Variants in TESPA1 observed in about 807,000 individuals in gnomAD.
TESPA1 encodes thymocyte expressed, positive selection associated 1.
TESPA1 carries 33 observed loss-of-function variants against 57.9 expected under a neutral mutation model. The ratio of observed to expected loss-of-function variants is 0.57; its 90% confidence interval spans 0.43 to 0.76. The LOEUF is 0.76. Ranked by LOEUF, TESPA1 falls within the 30% of genes least tolerant of loss-of-function variation. TESPA1 has a pLI of 0.00. For missense variants in TESPA1, 618 were observed against 632.9 expected (o/e 0.98, Z 0.25); for synonymous variants, 227 against 228.9 (o/e 0.99, Z 0.07).
At chr12:54,961,648 G>A (rs534036874) in intron 9 of TESPA1, among the ~76,000 whole-genome samples, 9 of 152,312 alleles carry the variant, frequency 5.9e-5, no homozygotes, top group African/African-American at 1.9e-4. Flanking sequence ...CTTAGAGAAT[G>A]TGCCCACCTA....
In TESPA1 at chr12:54,962,604, A is replaced by T; in HGVS notation, c.1294T>A (p.Trp432Arg). 1.2e-6 allele frequency: 2 copies of T among 1,613,904 alleles called. No homozygotes were observed. The highest frequency in any genetic ancestry group is 2.2e-5 in the South Asian group (2 of 91,088). ...ETHPAKDETFWKRKSRARKSL... is the reference protein window; with the variant it reads ...ETHPAKDETFRKRKSRARKSL... ...TTTCTTGCTCTGCTCTTTCTTTTCC[A>T]GAAAGTCTCATCCTTGGCTGGATGG... is the stretch of plus-strand genomic sequence containing the variant. Residue 432 changes from tryptophan to arginine, a missense_variant, in exon 9 of 11, where the codon TGG becomes AGG. By Grantham distance (101) the Trp-to-Arg change is moderately radical. This residue lies in a region of TESPA1 where 409 missense variants were observed against 420.1 expected (regional missense o/e 0.97). Coordinates refer to ENST00000449076, the MANE Select transcript of TESPA1 (RefSeq NM_001136030.3).
chr12:54,972,530 C>A (rs1266363994), intron 3 of TESPA1, among the ~76,000 whole-genome samples: 1 of 152,132 alleles, frequency 6.6e-6, no homozygotes, highest in East Asian at 1.9e-4. Context: ...CTGATTACCA[C>A]CATTCTTTTC....
chr12:54,957,449 T>G lies in TESPA1; in HGVS notation c.*1+3719A>C, dbSNP rs78667439. 5.6e-4 allele frequency among the ~76,000 whole-genome samples: 85 copies of G among 152,368 alleles called. 1 individual carries two copies. Among genetic ancestry groups the G allele is most frequent in the African/African-American group, 2.0e-3 (82 of 41,586 alleles). On this transcript the variant is annotated intron_variant, in intron 10 of 10. Coordinates refer to ENST00000449076, the MANE Select transcript of TESPA1 (RefSeq NM_001136030.3). ...TATCCCACTTAGCTCTGCCTTTGAT[T>G]GTGGTGAGTGAACTTCCCCCTTCCA...
chr12:54,984,654 G>C lies in TESPA1; in HGVS notation c.-115C>G, dbSNP rs1173146617. 1 of 152,296 alleles carries C rather than the reference G, an allele frequency of 6.6e-6. No individual in the cohort carries two copies. The highest frequency in any genetic ancestry group is 1.5e-5 in the Non-Finnish European group (1 of 68,090). The allele number at this position is 152,296 out of a possible 1,614,324, so 9.4% of individuals were successfully genotyped here. On this transcript the variant is annotated 5_prime_UTR_variant, in exon 1 of 11. Transcript: ENST00000449076. ...AAGCTGGGCCGAGGCCTTCACAGGT[G>C]TGGGCACAGAGGTGAAGCAAGTGAG... is the stretch of plus-strand genomic sequence containing the variant.
chr12:54,957,323 T>G (rs938485707), intron 10 of TESPA1, among the ~76,000 whole-genome samples: 1 of 152,150 alleles, frequency 6.6e-6, no homozygotes, highest in Non-Finnish European at 1.5e-5. Context: ...ACCTGGAACT[T>G]AAAACGACAT....
intron 10 of TESPA1, among the ~76,000 whole-genome samples, chr12:54,959,507 C>T: frequency 6.6e-6 from 1 of 152,242 alleles, no homozygotes; most frequent in East Asian, 1.9e-4. Flanking sequence ...AACAAGGGGC[C>T]TCCCAATGAC....
rs1950232856 is a variant in TESPA1 at position 54,949,076 on chromosome 12, G to C, written c.*1316C>G. ...CTGGTTTCTGTGGGTGGGAAGGGTA[G>C]GAAACTTGGAGTGGGGGGGCTTTTT... is the stretch of plus-strand genomic sequence containing the variant. On this transcript the variant is annotated 3_prime_UTR_variant, in exon 11 of 11. Transcript: ENST00000449076. 1 of 116,246 alleles carries C rather than the reference G, an allele frequency of 8.6e-6. No individual in the cohort carries two copies. The highest frequency in any genetic ancestry group is 3.0e-5 in the African/African-American group (1 of 33,060). The allele number at this position is 116,246 out of a possible 1,614,324, so 7.2% of individuals were successfully genotyped here.
chr12:54,966,244 CAGT>C, intron 6 of TESPA1, 93 bp from the exon 7 acceptor site: 1 of 1,562,196 alleles, frequency 6.4e-7, no homozygotes, highest in Non-Finnish European at 8.8e-7. Flanking sequence ...ACCCCCTGAA[CAGT>C]AGTCTATGCA....
chr12:54,979,421 T>G (rs895151258), intron 1 of TESPA1, among the ~76,000 whole-genome samples: 7 of 152,230 alleles, frequency 4.6e-5, no homozygotes, highest in African/African-American at 1.7e-4. Context: ...GTACTATTGC[T>G]TCTTGCCTGA....
chr12:54,965,060 A>G (rs76827941), intron 7 of TESPA1, among the ~76,000 whole-genome samples: 5,033 of 152,330 alleles, frequency 0.033, 132 homozygotes, highest in Non-Finnish European at 0.055. Flanking sequence ...TTTTCATTAT[A>G]TCATACTAGT....
intron 2 of TESPA1, 187 bp from the exon 3 acceptor site, chr12:54,973,706 T>C (rs1180330135): frequency 5.9e-6 from 8 of 1,351,352 alleles, no homozygotes; most frequent in East Asian, 5.6e-5. Context: ...ATTTCTTCTC[T>C]CTCTCTGCTT....
At chr12:54,954,294 G>C (rs1310417710) in intron 10 of TESPA1, among the ~76,000 whole-genome samples, 1 of 152,146 alleles carries the variant, frequency 6.6e-6, no homozygotes, top group African/African-American at 2.4e-5. Flanking sequence ...CTTTTCTTGA[G>C]CCCATTCAAG....
intron 1 of TESPA1, among the ~76,000 whole-genome samples, chr12:54,978,844 A>G (rs950421833): frequency 2.6e-5 from 4 of 152,202 alleles, no homozygotes; most frequent in Non-Finnish European, 4.4e-5. Context: ...TGCCTGCGCC[A>G]TATGCAACAA....
At chr12:54,961,741 A>C (rs1951091679) in intron 9 of TESPA1, among the ~76,000 whole-genome samples, 1 of 152,218 alleles carries the variant, frequency 6.6e-6, no homozygotes, top group African/African-American at 2.4e-5. Context: ...AGCCGGTTGC[A>C]GGAATGTGCG....
rs1950204689 is a variant in TESPA1, at chr12:54,948,442, G to C, written c.*1950C>G. The C allele has an allele frequency of 1.9e-5, 3 of 154,714 alleles. No homozygotes were observed. The Admixed American group carries it at 2.0e-4, about 10-fold the overall frequency. 9.6% of individuals were successfully genotyped at this position (154,714 alleles called of 1,614,324 possible). On this transcript the variant is annotated 3_prime_UTR_variant, in exon 11 of 11. Coordinates refer to ENST00000449076, the MANE Select transcript of TESPA1 (RefSeq NM_001136030.3). The stretch of plus-strand genomic sequence containing the variant: ...TGTTGGAGGTGGGGCCTGGTGGGTG[G>C]TGATTGGATTACTGGGTAGAGTTTT...
Position 54,961,333 on chromosome 12 carries a change from G to C in TESPA1, c.1468-66C>G, listed in dbSNP as rs1366411992. Reference sequence around the variant, plus strand: ...GGAAAGGGGGTAAGGAAAGGTGCAGGTGGCAGGTAGCTGTAGGGGAAGGAG... The same window carrying C: ...GGAAAGGGGGTAAGGAAAGGTGCAGCTGGCAGGTAGCTGTAGGGGAAGGAG... On this transcript the variant is annotated intron_variant, in intron 9 of 10. Transcript: ENST00000449076. 3 of 1,577,044 alleles carry C rather than the reference G, an allele frequency of 1.9e-6. No individual in the cohort carries two copies. In the African/African-American group the frequency reaches 4.0e-5, roughly 21 times the overall value.
chr12:54,981,024 A>G (rs1269329316), intron 1 of TESPA1, among the ~76,000 whole-genome samples: 1 of 152,102 alleles, frequency 6.6e-6, no homozygotes, highest in Admixed American at 6.5e-5. Context: ...GCCTCAAGCA[A>G]TCCTCCCACC....
intron 4 of TESPA1, 35 bp from the exon 5 acceptor site, chr12:54,967,271 A>G (rs1565854948): frequency 6.2e-7 from 1 of 1,608,142 alleles, no homozygotes; most frequent in East Asian, 2.2e-5. Context: ...ACAGAAAACC[A>G]GGATGGAACA....
chr12:54,977,782 G>C (rs1177901158), intron 1 of TESPA1, among the ~76,000 whole-genome samples: 1 of 152,162 alleles, frequency 6.6e-6, no homozygotes, highest in Admixed American at 6.5e-5. Context: ...AAAGACACAA[G>C]GTAGATCTAA....
Sources: allele counts gnomAD v4.1 joint callset (sites outside exome capture counted in the v4.1 genomes callset), GRCh38; gene constraint gnomAD v4.1.1; regional missense constraint gnomAD v4.1.1; transcripts MANE v1.5; gene names NCBI Gene and HGNC (gene_info 2026-07-23, HGNC 2026-07-21).